ASIC2: variants seen among roughly 807,000 people sequenced by gnomAD.
ASIC2 encodes the protein acid-sensing ion channel 2.
ASIC2 carries 25 observed loss-of-function variants against 57.3 expected under a neutral mutation model. The ratio of observed to expected loss-of-function variants is 0.44; its 90% CI spans 0.32 to 0.61. ASIC2 has a LOEUF of 0.61. Ranked by LOEUF, ASIC2 falls within the 20% of genes least tolerant of loss-of-function variation. The probability of loss-of-function intolerance (pLI) is 0.06; values close to 1 mark genes in which losing one functional copy is unlikely to be tolerated. For synonymous variants in ASIC2, 319 were observed against 307.5 expected, an observed-to-expected ratio of 1.04 and a Z score of -0.39; for missense variants, 641 against 738.1, an observed-to-expected ratio of 0.87 and a Z score of 1.52.
chr17:33,600,058 ATC>A (rs1905085898), intron 1 of ASIC2, among the ~76,000 whole-genome samples: 1 of 152,128 alleles, frequency 6.6e-6, no homozygotes, highest in Non-Finnish European at 1.5e-5. Flanking sequence ...GGTCTCGTGC[ATC>A]TCTCTGCATC....
intron 1 of ASIC2, among the ~76,000 whole-genome samples, chr17:33,324,779 C>T (rs1288474080): frequency 6.6e-6 from 1 of 152,042 alleles, no homozygotes; most frequent in Non-Finnish European, 1.5e-5. Flanking sequence ...TTTCTGTCTC[C>T]CAAAGAAAAA....
chr17:33,371,426 A>G (rs1409531731), intron 1 of ASIC2, among the ~76,000 whole-genome samples: 1 of 152,354 alleles, frequency 6.6e-6, no homozygotes, highest in African/African-American at 2.4e-5. Flanking sequence ...GAGGTCACAC[A>G]ACACATGGCC....
At chr17:33,758,348 G>T (rs376807003) in intron 1 of ASIC2, among the ~76,000 whole-genome samples, 2 of 152,144 alleles carry the variant, frequency 1.3e-5, no homozygotes, top group South Asian at 2.1e-4. Flanking sequence ...AATATTTTTT[G>T]AGAAAATTAT....
chr17:33,168,602 T>C (rs1290118339), intron 1 of ASIC2, among the ~76,000 whole-genome samples: 1 of 152,134 alleles, frequency 6.6e-6, no homozygotes, highest in Non-Finnish European at 1.5e-5. Context: ...GCAAAGAACT[T>C]GGTGGAATTG....
chr17:33,626,185 A>G (rs902880057), intron 1 of ASIC2, among the ~76,000 whole-genome samples: 1 of 152,210 alleles, frequency 6.6e-6, no homozygotes, highest in African/African-American at 2.4e-5. Flanking sequence ...GGAGCTTTGA[A>G]TGAATAAAAT....
chr17:33,906,359 G>A (rs1915349273), intron 1 of ASIC2, among the ~76,000 whole-genome samples: 1 of 152,180 alleles, frequency 6.6e-6, no homozygotes. Flanking sequence ...CAGCTGGGTG[G>A]AAAATCTTGG....
At chr17:33,783,438 T>TA (rs2142130514) in intron 1 of ASIC2, among the ~76,000 whole-genome samples, 1 of 152,356 alleles carries the variant, frequency 6.6e-6, no homozygotes, top group South Asian at 2.1e-4. Context: ...TTCATGCATG[T>TA]AAATTCAGTA....
chr17:33,834,576 A>T (rs2141903182), intron 1 of ASIC2: 1 of 152,354 alleles, frequency 6.6e-6, no homozygotes, highest in South Asian at 2.1e-4. Context: ...TCCTGTGGGG[A>T]CATAACAAAT....
At chr17:33,746,375 TGTATATCTAC>T (rs1179406081) in intron 1 of ASIC2, among the ~76,000 whole-genome samples, 2 of 148,526 alleles carry the variant, frequency 1.3e-5, no homozygotes, top group Non-Finnish European at 3.0e-5. Context: ...TAGATATACA[TGTATATCTAC>T]ATATATAGGT....
chr17:33,719,859 T>C (rs181787980), intron 1 of ASIC2, among the ~76,000 whole-genome samples: 2 of 152,298 alleles, frequency 1.3e-5, no homozygotes, highest in East Asian at 3.9e-4. Flanking sequence ...TGAATGTGTG[T>C]CATCCAGGCA....
chr17:33,036,411 C>A (rs2091908758), intron 3 of ASIC2, among the ~76,000 whole-genome samples: 1 of 152,074 alleles, frequency 6.6e-6, no homozygotes, highest in African/African-American at 2.4e-5. Context: ...CTCCATGGAG[C>A]ACTTTTCAGA....
intron 1 of ASIC2, among the ~76,000 whole-genome samples, chr17:33,353,552 T>C (rs1908262832): frequency 6.6e-6 from 1 of 152,178 alleles, no homozygotes; most frequent in Non-Finnish European, 1.5e-5. Flanking sequence ...TTGCCAGGAC[T>C]GGTCTCAAAC....
At chr17:33,325,841 T>C (rs1907056203) in intron 1 of ASIC2, among the ~76,000 whole-genome samples, 1 of 152,022 alleles carries the variant, frequency 6.6e-6, no homozygotes, top group South Asian at 2.1e-4. Context: ...GTATAGGATT[T>C]GAGGATGGAA....
intron 1 of ASIC2, among the ~76,000 whole-genome samples, chr17:33,260,172 G>GC (rs1909227041): frequency 6.6e-6 from 1 of 152,160 alleles, no homozygotes; most frequent in Admixed American, 6.5e-5. Context: ...GAAATGAGCT[G>GC]CCCCAGTGAA....
intron 1 of ASIC2, among the ~76,000 whole-genome samples, chr17:33,745,583 G>A (rs1292314238): frequency 6.7e-6 from 1 of 149,288 alleles, no homozygotes; most frequent in Non-Finnish European, 1.5e-5. Context: ...AACCCAATAA[G>A]ATTAACCATT....
chr17:33,366,464 C>T lies in ASIC2; in HGVS notation c.556-254397G>A, dbSNP rs534589794. 7.2e-5 allele frequency among the ~76,000 whole-genome samples: 11 copies of T among 152,308 alleles called. No individual in the cohort carries two copies. In the South Asian group the frequency reaches 1.0e-3, roughly 14 times the overall value. On this transcript the variant is annotated intron_variant, in intron 1 of 9. Transcript: ENST00000359872. ...CACATGCACTGCCTTCCTCTTCTCT[C>T]GTCATATTCTCCTGGACAGCTCCTA...
intron 1 of ASIC2, among the ~76,000 whole-genome samples, chr17:33,968,492 C>T (rs902983281): frequency 4.6e-5 from 7 of 152,206 alleles, no homozygotes; most frequent in African/African-American, 1.7e-4. Context: ...AGAAACGGAA[C>T]AGATTGCAGG....
At chr17:34,032,451 C>G (rs1241969323) in intron 1 of ASIC2, among the ~76,000 whole-genome samples, 1 of 152,180 alleles carries the variant, frequency 6.6e-6, no homozygotes, top group Non-Finnish European at 1.5e-5. Context: ...GAAACTGCAT[C>G]AACTAATGAG....
intron 1 of ASIC2, among the ~76,000 whole-genome samples, chr17:34,078,680 A>G (rs1037175334): frequency 5.1e-4 from 78 of 152,172 alleles, no homozygotes; most frequent in African/African-American, 1.8e-3. Context: ...AGCCCCCAGC[A>G]CTTTCTGTGT....
Sources: allele counts gnomAD v4.1 joint callset (sites outside exome capture counted in the v4.1 genomes callset), GRCh38; gene constraint gnomAD v4.1.1; transcripts MANE v1.5; gene names NCBI Gene and HGNC (gene_info 2026-07-23, HGNC 2026-07-21).